DNMT3B: variants seen among roughly 807,000 people sequenced by gnomAD.
DNMT3B encodes the protein DNA (cytosine-5)-methyltransferase 3B.
A neutral mutation model predicts 120.2 loss-of-function variants in DNMT3B; 37 were observed. The ratio of observed to expected loss-of-function variants is 0.31; its 90% CI spans 0.24 to 0.40. The LOEUF (loss-of-function observed/expected upper bound fraction) is 0.40. Ranked by LOEUF, DNMT3B falls within the 10% of genes least tolerant of loss-of-function variation. The pLI, the probability that DNMT3B is intolerant of heterozygous loss-of-function variation, is 1.00. For missense variants in DNMT3B, 878 were observed against 1,137.3 expected (o/e 0.77, Z 3.28); for synonymous variants, 412 against 442.8 (o/e 0.93, Z 0.87).
chr20:32,790,884 A>C (rs910083), intron 7 of DNMT3B, among the ~76,000 whole-genome samples: 87,581 of 151,776 alleles, frequency 0.58, 27,471 homozygotes, highest in East Asian at 0.99. Context: ...GGCTAGTCGA[A>C]CTCCTGGGCT....
chr20:32,800,058 A>C (rs1981135476), intron 16 of DNMT3B, 95 bp from the exon 17 acceptor site: 1 of 1,545,828 alleles, frequency 6.5e-7, no homozygotes, highest in Admixed American at 1.7e-5. Flanking sequence ...TACAGTCATG[A>C]GGAACTGTTC....
At chr20:32,786,366 C>A in intron 4 of DNMT3B, 136 bp from the exon 5 acceptor site, 2 of 1,246,332 alleles carry the variant, frequency 1.6e-6, no homozygotes, top group Non-Finnish European at 2.3e-6. Flanking sequence ...CCCACCTCAT[C>A]ACCTGTTCAC....
intron 1 of DNMT3B, chr20:32,779,816 A>C (rs973198192): frequency 5.6e-6 from 2 of 357,226 alleles, no homozygotes; most frequent in South Asian, 2.8e-5. Flanking sequence ...GTGGGGGAGG[A>C]GGGGGTGGGT....
intron 20 of DNMT3B, among the ~76,000 whole-genome samples, chr20:32,804,052 C>T (rs539757749): frequency 6.6e-6 from 1 of 152,240 alleles, no homozygotes; most frequent in East Asian, 1.9e-4. Context: ...GTGGTGGCCC[C>T]TGGGGTTTGC....
intron 1 of DNMT3B, among the ~76,000 whole-genome samples, chr20:32,765,135 C>T (rs1364962060): frequency 6.6e-6 from 1 of 152,256 alleles, no homozygotes; most frequent in Non-Finnish European, 1.5e-5. Flanking sequence ...CTTCCTCACA[C>T]ACCAGTCCTT....
At chr20:32,801,594 A>G (rs1352485840) in intron 19 of DNMT3B, among the ~76,000 whole-genome samples, 168 bp downstream of exon 19, 1 of 151,834 alleles carries the variant, frequency 6.6e-6, no homozygotes, top group Non-Finnish European at 1.5e-5. Context: ...CATGGAAAAT[A>G]TTTTTTTTGA....
At chr20:32,800,328 A>C (rs1981175209) in intron 17 of DNMT3B, 30 bp downstream of exon 17, 1 of 1,613,552 alleles carries the variant, frequency 6.2e-7, no homozygotes, top group African/African-American at 1.3e-5. Flanking sequence ...TGCGGGCCTC[A>C]TCTCTTCCTG....
intron 10 of DNMT3B, among the ~76,000 whole-genome samples, chr20:32,794,251 G>T (rs1042469674): frequency 6.6e-6 from 1 of 150,652 alleles, no homozygotes; most frequent in South Asian, 2.1e-4. Flanking sequence ...GGCTGAGGTG[G>T]GAGGATCACC....
intron 1 of DNMT3B, among the ~76,000 whole-genome samples, chr20:32,764,990 T>G (rs1313520295): frequency 1.3e-5 from 2 of 152,204 alleles, no homozygotes; most frequent in African/African-American, 4.8e-5. Flanking sequence ...CTTGGGCAAG[T>G]TCTTCAAGGA....
intron 1 of DNMT3B, among the ~76,000 whole-genome samples, chr20:32,765,707 G>C (rs1987300278): frequency 6.8e-6 from 1 of 146,360 alleles, no homozygotes; most frequent in Non-Finnish European, 1.5e-5. Context: ...AGGCGTGGCT[G>C]TTACACCCGG....
intron 1 of DNMT3B, among the ~76,000 whole-genome samples, chr20:32,764,079 C>G (rs1987147062): frequency 6.6e-6 from 1 of 152,090 alleles, no homozygotes; most frequent in Non-Finnish European, 1.5e-5. Context: ...GCACTCAATA[C>G]ATGTTTGCCA....
intron 1 of DNMT3B, among the ~76,000 whole-genome samples, chr20:32,775,296 C>G (rs1988011390): frequency 6.6e-6 from 1 of 152,070 alleles, no homozygotes; most frequent in Admixed American, 6.6e-5. Context: ...CCAAAGTGAC[C>G]CCCCTTCCTG....
Position 32,807,368 on chromosome 20 carries a change from C to T in DNMT3B, c.2421-394C>T, listed in dbSNP as rs62207024. Among the ~76,000 whole-genome samples, 369 of 152,244 alleles carry T rather than the reference C, an allele frequency of 2.4e-3. 1 individual carries two copies. The highest frequency in any genetic ancestry group is 0.01 in the Middle Eastern group (3 of 294). ...AAGAGGGAAGGAAAACTCTGGTTGC[C>T]TGAGCCTGTGATGACTGAAAATCTA... On this transcript the variant is annotated intron_variant, in intron 22 of 22. Transcript: ENST00000328111.
At position 32,807,914 on chromosome 20, in the gene DNMT3B, G is replaced by A. The variant is rs1982145714; in HGVS notation, c.*11G>A. 1 of 1,613,980 alleles carries A rather than the reference G, an allele frequency of 6.2e-7. No homozygotes were observed. The highest frequency in any genetic ancestry group is 1.3e-5 in the African/African-American group (1 of 74,928). On this transcript the variant is annotated 3_prime_UTR_variant, in exon 23 of 23. Transcript: ENST00000328111. ...TTTGCATGTGAATAGTTCCAGCCAGGCCCCAAGCCCACTGGGGTGTGTGGC... is the reference window on the plus strand; with the variant it reads ...TTTGCATGTGAATAGTTCCAGCCAGACCCCAAGCCCACTGGGGTGTGTGGC...
chr20:32,770,488 G>C (rs73615606), intron 1 of DNMT3B, among the ~76,000 whole-genome samples: 5,084 of 151,876 alleles, frequency 0.033, 103 homozygotes, highest in East Asian at 0.074. Flanking sequence ...TGTTGTTTTA[G>C]TAGAGATGGG....
rs1273210450 is a variant in DNMT3B at position 32,809,127 on chromosome 20, G to A, written c.*1224G>A. 3 of 215,944 alleles carry A rather than the reference G, an allele frequency of 1.4e-5. No individual in the cohort carries two copies. Among genetic ancestry groups the A allele is most frequent in the Admixed American group, 5.8e-5 (1 of 17,142 alleles). The allele number at this position is 215,944 out of a possible 1,614,324, so 13.4% of individuals were successfully genotyped here. A position where few individuals can be genotyped will look rare whatever the true frequency, so the allele number is the denominator to read the frequency against. On this transcript the variant is annotated 3_prime_UTR_variant, in exon 23 of 23. Coordinates refer to ENST00000328111, the MANE Select transcript of DNMT3B (RefSeq NM_006892.4). Reference sequence around the variant, plus strand: ...TACTGGTGCTATTTTGTAGAATAAGGAACAACGTTGACAAGTTTTGTGGGG... The same window carrying A: ...TACTGGTGCTATTTTGTAGAATAAGAAACAACGTTGACAAGTTTTGTGGGG...
At chr20:32,774,144 C>A (rs1241745154) in intron 1 of DNMT3B, among the ~76,000 whole-genome samples, 2 of 151,874 alleles carry the variant, frequency 1.3e-5, no homozygotes, top group African/African-American at 4.8e-5. Context: ...ATCCTTCCCG[C>A]TCTCTACTTC....
At chr20:32,773,960 T>TA (rs1987913939) in intron 1 of DNMT3B, among the ~76,000 whole-genome samples, 5 of 146,250 alleles carry the variant, frequency 3.4e-5, no homozygotes, top group African/African-American at 1.3e-4. Context: ...TTTTTTTTTT[T>TA]ACGCTTTCCT....
chr20:32,786,533 G>T lies in DNMT3B; in HGVS notation c.338G>T (p.Ser113Ile). The change falls in exon 5 of 23, where the codon AGC (serine) becomes ATC (isoleucine). Residue 113 changes from serine (S) to isoleucine (I), a missense_variant. Physicochemically the swap from Ser to Ile is moderately radical, Grantham distance 142. Around this residue, in one of 4 missense-constraint regions of DNMT3B, gnomAD observed 287 missense variants for 306.2 expected, o/e 0.94. Transcript: ENST00000328111. Reference sequence around the variant, plus strand: ...ACTCGAAATAACAACAGTGTCTCCAGCCGGGAGAGGCACAGGCCTTCCCCA... The same window carrying T: ...ACTCGAAATAACAACAGTGTCTCCATCCGGGAGAGGCACAGGCCTTCCCCA... The part of the protein sequence containing the change: ...VRTRNNNSVS[S>I]RERHRPSPRS... 1.2e-6 allele frequency: 2 copies of T among 1,613,996 alleles called. No homozygotes were observed. Among genetic ancestry groups the T allele is most frequent in the South Asian group, 2.2e-5 (2 of 91,090 alleles).
Sources: allele counts gnomAD v4.1 joint callset (sites outside exome capture counted in the v4.1 genomes callset), GRCh38; gene constraint gnomAD v4.1.1; regional missense constraint gnomAD v4.1.1; transcripts MANE v1.5; gene names NCBI Gene and HGNC (gene_info 2026-07-23, HGNC 2026-07-21).